Variants in UGT2A2 observed in about 807,000 individuals in gnomAD.
UGT2A2 encodes UDP-glucuronosyltransferase 2A2.
In UGT2A2, 60 loss-of-function variants were observed where a neutral mutation model predicts 50.7. The ratio of observed to expected loss-of-function variants is 1.18; its 90% CI spans 0.96 to 1.47. UGT2A2 has a LOEUF of 1.47. Among genes scored for constraint, UGT2A2 ranks in the 40% most tolerant of loss-of-function variants. The probability of loss-of-function intolerance (pLI) is 0.00; values close to 1 mark genes in which losing one functional copy is unlikely to be tolerated. For missense variants in UGT2A2, 762 were observed against 634.0 expected (o/e 1.20, Z -2.17); for synonymous variants, 242 against 214.6 (o/e 1.13, Z -1.11).
intron 1 of UGT2A2, among the ~76,000 whole-genome samples, chr4:69,623,191 A>G (rs1334653054): frequency 1.3e-5 from 2 of 151,824 alleles, no homozygotes; most frequent in African/African-American, 4.8e-5. Context: ...ATGACAATTC[A>G]TCAAAAATGA....
At chr4:69,611,854 G>T (rs6853543) in intron 1 of UGT2A2, among the ~76,000 whole-genome samples, 60,024 of 151,902 alleles carry the variant, frequency 0.4, 12,188 homozygotes, top group African/African-American at 0.48. Context: ...CTAATGGATT[G>T]CCCTAGTTTC....
rs1313903827 is a variant in UGT2A2 at position 69,603,701 on chromosome 4, C to T, written c.743-4307G>A. ...TTAGACGAATGGCTAACTAGAATCA[C>T]CAATGAAGAAAAGCCCTTAAAGGAC... On this transcript the variant is annotated intron_variant, in intron 1 of 5. Transcript: ENST00000604629. 2.9e-5 allele frequency: 4 copies of T among 135,912 alleles called. 1 individual carries two copies. Among genetic ancestry groups the T allele is most frequent in the Admixed American group, 2.9e-4 (4 of 13,802 alleles). The allele number at this position is 135,912 out of a possible 1,614,324, so 8.4% of individuals were successfully genotyped here.
intron 5 of UGT2A2, among the ~76,000 whole-genome samples, chr4:69,592,075 T>C (rs531783899): frequency 3.3e-4 from 50 of 152,154 alleles, no homozygotes; most frequent in African/African-American, 1.2e-3. Context: ...AGTGTCTTTC[T>C]TTTTTGAAAT....
chr4:69,593,714 A>T (rs931364347), intron 5 of UGT2A2, among the ~76,000 whole-genome samples: 1 of 151,776 alleles, frequency 6.6e-6, no homozygotes, highest in Non-Finnish European at 1.5e-5. Flanking sequence ...CCACTACCCT[A>T]TATCTTTTCT....
chr4:69,637,134 A>G (rs1721756250), intron 1 of UGT2A2, among the ~76,000 whole-genome samples: 1 of 152,190 alleles, frequency 6.6e-6, no homozygotes, highest in African/African-American at 2.4e-5. Flanking sequence ...ATGTGGTTTG[A>G]AGGCATATAA....
Position 69,588,566 on chromosome 4 carries a change from TA to T in UGT2A2, c.*805del, listed in dbSNP as rs1718385349. On this transcript the variant is annotated 3_prime_UTR_variant, in exon 6 of 6. Coordinates refer to ENST00000604629, the MANE Select transcript of UGT2A2 (RefSeq NM_001105677.2). The stretch of plus-strand genomic sequence containing the variant: ...TTTGTACAGTTGACTAAAAATTTTA[TA>T]AAAATGATAATTATTTTCTAGATTT... 1 of 152,134 alleles carries T rather than the reference TA, an allele frequency of 6.6e-6. No individual in the cohort carries two copies. Among genetic ancestry groups the T allele is most frequent in the African/African-American group, 2.4e-5 (1 of 41,456 alleles). 9.4% of individuals were successfully genotyped at this position (152,134 alleles called of 1,614,324 possible). A position where few individuals can be genotyped will look rare whatever the true frequency, so the allele number is the denominator to read the frequency against.
At chr4:69,595,324 A>T in intron 3 of UGT2A2, 75 bp from the exon 4 acceptor site, 1 of 1,545,630 alleles carries the variant, frequency 6.5e-7, no homozygotes, top group South Asian at 1.1e-5. Flanking sequence ...ATTATTTAGA[A>T]ATCATTTAGC....
At chr4:69,614,789 G>A (rs1720276566) in intron 1 of UGT2A2, among the ~76,000 whole-genome samples, 2 of 151,986 alleles carry the variant, frequency 1.3e-5, no homozygotes, top group Admixed American at 6.6e-5. Context: ...GGACCTCTGA[G>A]TAGTCTGTTC....
intron 1 of UGT2A2, among the ~76,000 whole-genome samples, chr4:69,637,797 C>T (rs1721794726): frequency 6.6e-6 from 1 of 151,946 alleles, no homozygotes; most frequent in South Asian, 2.1e-4. Context: ...ATTCCTACCA[C>T]TTAGACAAGT....
chr4:69,627,191 G>T (rs1360791493), intron 1 of UGT2A2, among the ~76,000 whole-genome samples: 1 of 151,496 alleles, frequency 6.6e-6, no homozygotes, highest in Non-Finnish European at 1.5e-5. Context: ...AAAATCCTTT[G>T]CCACAATAAC....
rs912284765 is a variant in UGT2A2 at position 69,602,485 on chromosome 4, A to C, written c.743-3091T>G. On this transcript the variant is annotated intron_variant, in intron 1 of 5. Coordinates refer to ENST00000604629, the MANE Select transcript of UGT2A2 (RefSeq NM_001105677.2). ...AGTTTATCTATCTATCTATCTATCT[A>C]TCTATCTATCTATCTATCTATCTGA... 1.5e-5 allele frequency among the ~76,000 whole-genome samples: 2 copies of C among 136,332 alleles called. 1 individual carries two copies. The allele number at this position is 136,332 out of a possible 152,430, so 89.4% of individuals were successfully genotyped here.
intron 5 of UGT2A2, among the ~76,000 whole-genome samples, chr4:69,593,940 G>GA (rs1422960651): frequency 2.8e-5 from 4 of 142,962 alleles, no homozygotes; most frequent in Non-Finnish European, 4.6e-5. Flanking sequence ...TCTTTATTTT[G>GA]AAAAATATTG....
At chr4:69,636,989 G>T (rs1721747625) in intron 1 of UGT2A2, among the ~76,000 whole-genome samples, 1 of 152,098 alleles carries the variant, frequency 6.6e-6, no homozygotes, top group African/African-American at 2.4e-5. Context: ...TATTTAAGGT[G>T]TATAGATTGT....
chr4:69,596,743 A>T (rs1577947162), intron 2 of UGT2A2, among the ~76,000 whole-genome samples: 1 of 152,054 alleles, frequency 6.6e-6, no homozygotes, highest in South Asian at 2.1e-4. Flanking sequence ...GCTGGTCTCC[A>T]CCTCCTGGCC....
chr4:69,616,669 G>C (rs570618410), intron 1 of UGT2A2, among the ~76,000 whole-genome samples: 1 of 151,780 alleles, frequency 6.6e-6, no homozygotes, highest in Non-Finnish European at 1.5e-5. Flanking sequence ...AGAAAAAATT[G>C]ATAATTTTAT....
intron 1 of UGT2A2, among the ~76,000 whole-genome samples, chr4:69,600,614 T>C (rs1719224300): frequency 6.6e-6 from 1 of 152,152 alleles, no homozygotes; most frequent in African/African-American, 2.4e-5. Context: ...TACTTGAAAC[T>C]GAGTAATTTA....
intron 3 of UGT2A2, among the ~76,000 whole-genome samples, chr4:69,595,458 T>C (rs1437793999): frequency 6.6e-6 from 1 of 152,254 alleles, no homozygotes; most frequent in Admixed American, 6.5e-5. Flanking sequence ...TATAGTATTA[T>C]TGTTTTGATA....
At chr4:69,630,784 A>T (rs1326278944) in intron 1 of UGT2A2, among the ~76,000 whole-genome samples, 5 of 152,132 alleles carry the variant, frequency 3.3e-5, no homozygotes, top group African/African-American at 4.8e-5. Context: ...CGTGAATGCA[A>T]TTCTACCGCT....
intron 1 of UGT2A2, among the ~76,000 whole-genome samples, chr4:69,607,173 G>A (rs1336719781): frequency 6.3e-5 from 8 of 127,006 alleles, no homozygotes; most frequent in South Asian, 4.9e-4. Context: ...AAACTATACT[G>A]CAAGGCTACA....
Sources: gnomAD v4.1 joint callset for allele counts (sites outside exome capture counted in the v4.1 genomes callset) on GRCh38, gnomAD v4.1.1 for gene constraint, MANE v1.5 for transcripts, NCBI Gene and HGNC (gene_info 2026-07-23, HGNC 2026-07-21) for gene names.